Variants in GRIN2D observed in about 807,000 individuals in gnomAD.
GRIN2D encodes the protein glutamate ionotropic receptor NMDA type subunit 2D.
Under a neutral mutation model 103.2 loss-of-function variants are expected in GRIN2D, and 37 were observed. The observed-to-expected ratio is 0.36, with a 90% CI of 0.28 to 0.47. The LOEUF is 0.47. Ranked by LOEUF, GRIN2D falls within the 20% of genes least tolerant of loss-of-function variation. The probability of loss-of-function intolerance (pLI) is 1.00; values close to 1 mark genes in which losing one functional copy is unlikely to be tolerated. For synonymous variants in GRIN2D, 845 were observed against 885.6 expected (o/e 0.95, Z 0.81); for missense variants, 1,557 against 1,910.6 (o/e 0.81, Z 3.45).
In GRIN2D at chr19:48,398,766, C is replaced by G; in HGVS notation, c.374C>G (p.Ala125Gly). The change falls in exon 3 of 14, where the codon GCC becomes GGC. Residue 125 changes from alanine to glycine, a missense_variant. Around this residue, in one of 7 missense-constraint regions of GRIN2D, gnomAD observed 490 missense variants for 601.1 expected, o/e 0.82. Coordinates refer to ENST00000263269, the MANE Select transcript of GRIN2D (RefSeq NM_000836.4). ...VVFEDDSRAPAVAPILDFLSA... is the reference protein window; with the variant it reads ...VVFEDDSRAPGVAPILDFLSA... Reference sequence around the variant, plus strand: ...TTCGAAGACGACTCGCGCGCGCCCGCCGTCGCGCCCATCCTCGACTTCCTG... The same window carrying G: ...TTCGAAGACGACTCGCGCGCGCCCGGCGTCGCGCCCATCCTCGACTTCCTG... 1 of 1,465,504 alleles carries G rather than the reference C, an allele frequency of 6.8e-7. No homozygotes were observed. Among genetic ancestry groups the G allele is most frequent in the Non-Finnish European group, 9.0e-7 (1 of 1,114,410 alleles). 90.8% of individuals were successfully genotyped at this position (1,465,504 alleles called of 1,614,324 possible). A position where few individuals can be genotyped will look rare whatever the true frequency, so the allele number is the denominator to read the frequency against.
chr19:48,401,871 C>T (rs937710505), intron 3 of GRIN2D, among the ~76,000 whole-genome samples: 1 of 152,140 alleles, frequency 6.6e-6, no homozygotes, highest in African/African-American at 2.4e-5. Context: ...GAGGCCAAGG[C>T]GGGTGGATCA....
intron 4 of GRIN2D, among the ~76,000 whole-genome samples, chr19:48,406,776 C>T (rs1206001148): frequency 7.9e-5 from 12 of 151,934 alleles, no homozygotes; most frequent in Admixed American, 6.6e-4. Context: ...GGCGGGGGCA[C>T]GGGGAGGAGC....
rs1388010672 is a variant in GRIN2D at position 48,443,223 on chromosome 19, G to C, written c.3297G>C (p.Ala1099=). The C allele has an allele frequency of 1.6e-6, 2 of 1,269,414 alleles. No homozygotes were observed. Among genetic ancestry groups the C allele is most frequent in the South Asian group, 1.6e-5 (1 of 61,526 alleles). 78.6% of individuals were successfully genotyped at this position (1,269,414 alleles called of 1,614,324 possible). ...CCGCTCCGCCCCCGTGCCGCGCCGC[G>C]CCGCCCCCGTGCCCTTACCTCGATC... ...APAAPPPCRA[A]PPPCPYLDLE... Residue 1099 remains alanine (A), a synonymous_variant, in exon 14 of 14, where the codon GCG becomes GCC. Transcript: ENST00000263269. The surrounding 1 kb of genome is among the most constrained non-coding windows in gnomAD (Gnocchi z 8.9).
intron 3 of GRIN2D, among the ~76,000 whole-genome samples, chr19:48,399,938 A>G (rs1052213376): frequency 1.3e-5 from 2 of 151,210 alleles, no homozygotes; most frequent in African/African-American, 4.9e-5. Flanking sequence ...GGGTCTAGGG[A>G]GGAAGCCGGT....
chr19:48,425,680 C>T (rs1444391467), intron 11 of GRIN2D, among the ~76,000 whole-genome samples: 1 of 152,166 alleles, frequency 6.6e-6, no homozygotes, highest in African/African-American at 2.4e-5. Context: ...AAGCAGGATA[C>T]CTGTATTTTT....
At chr19:48,422,239 T>G (rs1569066891) in intron 11 of GRIN2D, among the ~76,000 whole-genome samples, 1 of 152,194 alleles carries the variant, frequency 6.6e-6, no homozygotes, top group Non-Finnish European at 1.5e-5. Context: ...ACTCAGCCTC[T>G]CTGAACCTCT....
chr19:48,440,242 C>A (rs1348458306), intron 11 of GRIN2D, among the ~76,000 whole-genome samples: 1 of 151,822 alleles, frequency 6.6e-6, no homozygotes, highest in Non-Finnish European at 1.5e-5. Context: ...ATAAATAAAT[C>A]AGGGCCTAGT....
chr19:48,421,320 C>T lies in GRIN2D; in HGVS notation c.2092-465C>T, dbSNP rs1971019278. Among the ~76,000 whole-genome samples the T allele has an allele frequency of 2.6e-5, 4 of 151,666 alleles. No homozygotes were observed. The highest frequency in any genetic ancestry group is 6.6e-5 in the Admixed American group (1 of 15,190). ...GTATGTGCCTGTAATCCCAGCTACT[C>T]GGGAGGCTGAGGCAGGAGAATCAGT... On this transcript the variant is annotated intron_variant, in intron 10 of 13. Coordinates refer to ENST00000263269, the MANE Select transcript of GRIN2D (RefSeq NM_000836.4). This position sits in a 1 kb window ranked among gnomAD's most constrained non-coding sequence, Gnocchi z 4.8.
rs371036935 is a variant in GRIN2D at position 48,396,451 on chromosome 19, G to A, written c.-27+1515G>A. Among the ~76,000 whole-genome samples, 16 of 152,170 alleles carry A rather than the reference G, an allele frequency of 1.1e-4. No individual in the cohort carries two copies. In the East Asian group the frequency reaches 2.7e-3, roughly 26 times the overall value. ...GCCAGGTAGGGGTGGGTCTGGGAGAGGCAGAGGAGGGGCTGGAGGGTGAGC... is the reference window on the plus strand; with the variant it reads ...GCCAGGTAGGGGTGGGTCTGGGAGAAGCAGAGGAGGGGCTGGAGGGTGAGC... On this transcript the variant is annotated intron_variant, in intron 2 of 13. Coordinates refer to ENST00000263269, the MANE Select transcript of GRIN2D (RefSeq NM_000836.4).
Position 48,443,959 on chromosome 19 carries a change from G to GC in GRIN2D, c.*27dup. On this transcript the variant is annotated 3_prime_UTR_variant, in exon 14 of 14. Transcript: ENST00000263269. This position sits in a 1 kb window ranked among gnomAD's most constrained non-coding sequence, Gnocchi z 8.9. The stretch of plus-strand genomic sequence containing the variant: ...ATGACGCGGCCCCGGGGGCCCCACC[G>GC]CCCCCTTGGTCAGCGCAGGCCACGG... 1 of 1,367,650 alleles carries GC rather than the reference G, an allele frequency of 7.3e-7. No individual in the cohort carries two copies. Among genetic ancestry groups the GC allele is most frequent in the Non-Finnish European group, 9.5e-7 (1 of 1,056,970 alleles). 84.7% of individuals were successfully genotyped at this position (1,367,650 alleles called of 1,614,324 possible). A position where few individuals can be genotyped will look rare whatever the true frequency, so the allele number is the denominator to read the frequency against.
chr19:48,421,637 TC>T lies in GRIN2D; in HGVS notation c.2092-145del, dbSNP rs1381705112. ...GTGCTGGGTGGGAGTGGAAAAGCAT[TC>T]CCTAATGTAGTGAGCGAGTGTTGAG... On this transcript the variant is annotated intron_variant, in intron 10 of 13. Transcript: ENST00000263269. This position sits in a 1 kb window ranked among gnomAD's most constrained non-coding sequence, Gnocchi z 4.8. 7.7e-6 allele frequency: 5 copies of T among 648,376 alleles called. No homozygotes were observed. The highest frequency in any genetic ancestry group is 1.4e-5 in the Non-Finnish European group (5 of 370,070). 40.2% of individuals were successfully genotyped at this position (648,376 alleles called of 1,614,324 possible).
At chr19:48,406,062 G>A (rs1970788329) in intron 4 of GRIN2D, among the ~76,000 whole-genome samples, 1 of 152,182 alleles carries the variant, frequency 6.6e-6, no homozygotes, top group Non-Finnish European at 1.5e-5. Flanking sequence ...ACTGGTTGTT[G>A]ACAGTGGTGT....
chr19:48,403,365 C>CA (rs1286861904), intron 3 of GRIN2D, among the ~76,000 whole-genome samples: 1 of 152,180 alleles, frequency 6.6e-6, no homozygotes, highest in Non-Finnish European at 1.5e-5. Flanking sequence ...TTGAAAGCCA[C>CA]AAGCCACATG....
At chr19:48,417,331 G>T (rs1274067039) in intron 8 of GRIN2D, among the ~76,000 whole-genome samples, 1 of 152,140 alleles carries the variant, frequency 6.6e-6, no homozygotes, top group Non-Finnish European at 1.5e-5. Context: ...CAGAGTGGGG[G>T]TGTGCAATAG....
intron 11 of GRIN2D, among the ~76,000 whole-genome samples, chr19:48,432,295 T>C (rs1358720977): frequency 6.6e-6 from 1 of 151,686 alleles, no homozygotes; most frequent in Non-Finnish European, 1.5e-5. Context: ...GCTCAAGCGA[T>C]CCTCCTGCCT....
At chr19:48,412,421 AAAAGAAAG>A (rs57100057) in intron 4 of GRIN2D, among the ~76,000 whole-genome samples, 15,465 of 123,276 alleles carry the variant, frequency 0.13, 1,059 homozygotes, top group Admixed American at 0.17. Flanking sequence ...AAAGAGAAAG[AAAAGAAAG>A]AAAGAAAGAA....
rs372869544 is a variant in GRIN2D at position 48,443,244 on chromosome 19, C to T, written c.3318C>T (p.Leu1106=). 2.7e-6 allele frequency: 4 copies of T among 1,491,948 alleles called. No individual in the cohort carries two copies. Among genetic ancestry groups the T allele is most frequent in the Non-Finnish European group, 3.5e-6 (4 of 1,126,802 alleles). 92.4% of individuals were successfully genotyped at this position (1,491,948 alleles called of 1,614,324 possible). Residue 1106 remains leucine (L), a synonymous_variant, in exon 14 of 14, where the codon CTC becomes CTT. Transcript: ENST00000263269. This position sits in a 1 kb window ranked among gnomAD's most constrained non-coding sequence, Gnocchi z 8.9. The part of the protein sequence containing the change: ...CRAAPPPCPY[L]DLEPSPSDSE... ...CCGCGCCGCCCCCGTGCCCTTACCT[C>T]GATCTCGAGCCGTCGCCGTCGGACT... is the stretch of plus-strand genomic sequence containing the variant.
At chr19:48,436,478 G>T (rs1006163851) in intron 11 of GRIN2D, among the ~76,000 whole-genome samples, 2 of 152,154 alleles carry the variant, frequency 1.3e-5, no homozygotes, top group Non-Finnish European at 2.9e-5. Context: ...GGAGCCAGAG[G>T]CTGCATGGCC....
rs1043490054 is a variant in GRIN2D, at chr19:48,442,624, G to C, written c.2698G>C (p.Glu900Gln). The C allele has an allele frequency of 2.0e-6, 3 of 1,499,156 alleles. No homozygotes were observed. In the African/African-American group the frequency reaches 4.2e-5, roughly 21 times the overall value. The allele number at this position is 1,499,156 out of a possible 1,614,324, so 92.9% of individuals were successfully genotyped here. ...GGGCATGTACAGCTGCTGCAGCGCT[G>C]AGGCCGCCCCACCGCCCGCCAAGCC... Reference protein sequence around the residue: ...SRGMYSCCSAEAAPPPAKPPP... With the variant: ...SRGMYSCCSAQAAPPPAKPPP... The change falls in exon 14 of 14, where the codon GAG becomes CAG. Residue 900 changes from glutamate (E) to glutamine (Q), a missense_variant. Physicochemically the swap from Glu to Gln is conservative, Grantham distance 29. Coordinates refer to ENST00000263269, the MANE Select transcript of GRIN2D (RefSeq NM_000836.4). This position sits in a 1 kb window ranked among gnomAD's most constrained non-coding sequence, Gnocchi z 7.2.
Sources: allele counts gnomAD v4.1 joint callset (sites outside exome capture counted in the v4.1 genomes callset), GRCh38; gene constraint gnomAD v4.1.1; regional missense constraint gnomAD v4.1.1; non-coding constraint Gnocchi (gnomAD v3.1); transcripts MANE v1.5; gene names NCBI Gene and HGNC (gene_info 2026-07-23, HGNC 2026-07-21).